DHRSX: variants seen among roughly 807,000 people sequenced by gnomAD.
DHRSX encodes the protein polyprenol dehydrogenase.
A neutral mutation model predicts 34.0 loss-of-function variants in DHRSX; 31 were observed. That is an observed-to-expected ratio of 0.91 (90% CI 0.69 to 1.23). DHRSX has a LOEUF of 1.23. DHRSX is among the 50% of genes most tolerant of loss of function. The pLI is 0.00. For synonymous variants in DHRSX, 201 were observed against 183.8 expected (o/e 1.09, Z -0.76); for missense variants, 414 against 428.1 (o/e 0.97, Z 0.29).
intron 3 of DHRSX, among the ~76,000 whole-genome samples, chrX:2,325,442 G>A (rs985189853): frequency 7.2e-5 from 11 of 152,100 alleles, no homozygotes; most frequent in African/African-American, 2.7e-4. Context: ...GCAGGAACTA[G>A]AGACTAGACA....
intron 3 of DHRSX, among the ~76,000 whole-genome samples, chrX:2,406,818 GA>G (rs2043561378): frequency 6.6e-6 from 1 of 152,150 alleles, no homozygotes; most frequent in African/African-American, 2.4e-5. Context: ...CCACTGGTGG[GA>G]ATGTCAATTA....
rs2016180239 is a variant in DHRSX at position 2,243,118 on chromosome X, C to T, written c.709G>A (p.Val237Met). 1.2e-6 allele frequency: 2 copies of T among 1,613,924 alleles called. No individual in the cohort carries two copies. The highest frequency in any genetic ancestry group is 1.7e-6 in the Non-Finnish European group (2 of 1,179,866). The part of the protein sequence containing the change: ...AAEGSHVTAN[V>M]VDPGVVNTDV... The stretch of plus-strand genomic sequence containing the variant: ...GTGTTGACCACCCCGGGGTCCACCA[C>T]GTTGGCGGTCACGTGGCTTCCCTCA... The change falls in exon 6 of 7, where the codon GTG (valine) becomes ATG (methionine). Residue 237 changes from valine to methionine, a missense_variant. Coordinates refer to ENST00000334651, the MANE Select transcript of DHRSX (RefSeq NM_145177.3).
intron 3 of DHRSX, among the ~76,000 whole-genome samples, chrX:2,352,681 G>A (rs2042802360): frequency 6.6e-6 from 1 of 152,122 alleles, no homozygotes; most frequent in Admixed American, 6.6e-5. Context: ...AGAATACCAC[G>A]TTTCGGCGTC....
chrX:2,374,887 G>A (rs1222222515), intron 3 of DHRSX, among the ~76,000 whole-genome samples: 1 of 137,548 alleles, frequency 7.3e-6, no homozygotes, highest in African/African-American at 2.5e-5. Context: ...CCCAGGGCAA[G>A]ATAGTGAGAC....
intron 3 of DHRSX, among the ~76,000 whole-genome samples, chrX:2,322,384 A>G (rs1270531090): frequency 6.6e-6 from 1 of 151,754 alleles, no homozygotes; most frequent in African/African-American, 2.4e-5. Flanking sequence ...CCCTGTCTCT[A>G]CTAAAAATAC....
chrX:2,251,256 TTG>T (rs1278305415), intron 5 of DHRSX, among the ~76,000 whole-genome samples: 3 of 152,202 alleles, frequency 2.0e-5, no homozygotes, highest in Non-Finnish European at 2.9e-5. Flanking sequence ...ATTCAAAGAC[TTG>T]TGCTAACATT....
At chrX:2,272,222 A>G (rs1292515332) in intron 4 of DHRSX, among the ~76,000 whole-genome samples, 1 of 152,124 alleles carries the variant, frequency 6.6e-6, no homozygotes, top group Non-Finnish European at 1.5e-5. Flanking sequence ...TGAACTATAA[A>G]CATCTTTTTC....
chrX:2,397,071 G>C lies in DHRSX; in HGVS notation c.286+11674C>G, dbSNP rs774340333. ...GCTAAAGTACAGGGTCGCGATCATG[G>C]CTCACCACAGCCTTGACCTCCAGGC... On this transcript the variant is annotated intron_variant, in intron 3 of 6. Coordinates refer to ENST00000334651, the MANE Select transcript of DHRSX (RefSeq NM_145177.3). Among the ~76,000 whole-genome samples the C allele has an allele frequency of 3.9e-5, 6 of 152,002 alleles. No individual in the cohort carries two copies. The East Asian group carries it at 1.2e-3, about 30-fold the overall frequency.
At chrX:2,236,225 GACAA>G (rs2016012276) in intron 6 of DHRSX, among the ~76,000 whole-genome samples, 1 of 152,132 alleles carries the variant, frequency 6.6e-6, no homozygotes, top group African/African-American at 2.4e-5. Context: ...GACCCATAAA[GACAA>G]ACAAAGCTTT....
At chrX:2,304,123 A>AG (rs2042062639) in intron 3 of DHRSX, among the ~76,000 whole-genome samples, 1 of 22,476 alleles carries the variant, frequency 4.4e-5, no homozygotes, top group African/African-American at 1.1e-4. Flanking sequence ...ATGGATGGAT[A>AG]AATGGATGGA....
chrX:2,406,263 GC>G (rs2043554343), intron 3 of DHRSX, among the ~76,000 whole-genome samples: 1 of 151,998 alleles, frequency 6.6e-6, no homozygotes, highest in African/African-American at 2.4e-5. Context: ...CTGCATTCCA[GC>G]CTAGGTGACA....
At chrX:2,489,503 T>C in intron 1 of DHRSX, 1 of 1,613,394 alleles carries the variant, frequency 6.2e-7, no homozygotes, top group Non-Finnish European at 8.5e-7. Context: ...CTCGGCCACC[T>C]GCTTGAAGGG....
chrX:2,286,280 G>A (rs1444124841), intron 4 of DHRSX, among the ~76,000 whole-genome samples: 1 of 149,766 alleles, frequency 6.7e-6, no homozygotes, highest in African/African-American at 2.5e-5. Context: ...ATCCAGCCTC[G>A]TCATTTGCAC....
intron 2 of DHRSX, among the ~76,000 whole-genome samples, chrX:2,413,556 T>G (rs2043657325): frequency 6.6e-6 from 1 of 152,188 alleles, no homozygotes; most frequent in South Asian, 2.1e-4. Context: ...ATATGTAACT[T>G]GTTTTTGTCT....
At chrX:2,319,751 G>A (rs2042285595) in intron 3 of DHRSX, among the ~76,000 whole-genome samples, 1 of 151,944 alleles carries the variant, frequency 6.6e-6, no homozygotes, top group South Asian at 2.1e-4. Context: ...ACTTTTGGGG[G>A]AGTCAGAACC....
Position 2,229,447 on chromosome X carries a change from C to T in DHRSX, c.805-8218G>A, listed in dbSNP as rs763346709. Among the ~76,000 whole-genome samples, 94 of 152,142 alleles carry T rather than the reference C, an allele frequency of 6.2e-4. 1 individual carries two copies. Among genetic ancestry groups the T allele is most frequent in the Admixed American group, 2.6e-4 (4 of 15,268 alleles). ...CTGCCACGATGTCCCCTGCCTCTTG[C>T]CTCTCTGTACCTGCTGCTTGCTCCT... On this transcript the variant is annotated intron_variant, in intron 6 of 6. Coordinates refer to ENST00000334651, the MANE Select transcript of DHRSX (RefSeq NM_145177.3).
chrX:2,243,788 GTTTTTTTTTTTTTTTTTTTT>G (rs778957532), intron 5 of DHRSX, among the ~76,000 whole-genome samples: 4 of 25,168 alleles, frequency 1.6e-4, no homozygotes, highest in Non-Finnish European at 2.1e-4. Context: ...TATGCTCCCT[GTTTTTTTTTTTTTTTTTTTT>G]TTTTTTTTTT....
chrX:2,282,719 AGAGG>A (rs1250637942), intron 4 of DHRSX, among the ~76,000 whole-genome samples: 6 of 130,076 alleles, frequency 4.6e-5, no homozygotes, highest in African/African-American at 1.2e-4. Flanking sequence ...AAGGAAGGAG[AGAGG>A]GAGGGAGGGA....
chrX:2,267,167 C>T (rs2041486276), intron 4 of DHRSX, among the ~76,000 whole-genome samples: 1 of 152,156 alleles, frequency 6.6e-6, no homozygotes, highest in Non-Finnish European at 1.5e-5. Context: ...GTCTCTGCAC[C>T]TCTGTGCCTT....
Sources: gnomAD v4.1 joint callset for allele counts (sites outside exome capture counted in the v4.1 genomes callset) on GRCh38, gnomAD v4.1.1 for gene constraint, MANE v1.5 for transcripts, NCBI Gene and HGNC (gene_info 2026-07-23, HGNC 2026-07-21) for gene names.